The following PRKCE variants were observed in gnomAD, a reference collection of about 807,000 sequenced individuals.
The protein encoded by PRKCE is protein kinase C epsilon type.
A neutral mutation model predicts 85.4 loss-of-function variants in PRKCE; 16 were observed. The ratio of observed to expected loss-of-function variants is 0.19; its 90% confidence interval spans 0.13 to 0.28. The LOEUF (loss-of-function observed/expected upper bound fraction) is 0.28, where lower values mean the gene tolerates loss of function less well. Ranked by LOEUF, PRKCE falls within the 10% of genes least tolerant of loss-of-function variation. PRKCE has a pLI of 1.00. For missense variants in PRKCE, 573 were observed against 975.2 expected, an observed-to-expected ratio of 0.59 and a Z score of 5.49; for synonymous variants, 388 against 371.5, an observed-to-expected ratio of 1.04 and a Z score of -0.51.
intron 1 of PRKCE, among the ~76,000 whole-genome samples, chr2:45,718,411 C>T (rs1326854948): frequency 7.1e-6 from 1 of 140,698 alleles, no homozygotes; most frequent in Non-Finnish European, 1.5e-5. Context: ...GTGGCGTGAT[C>T]TCGGCTCACT....
intron 1 of PRKCE, among the ~76,000 whole-genome samples, chr2:45,674,532 A>ACCG (rs1558542993): frequency 6.6e-6 from 1 of 152,120 alleles, no homozygotes; most frequent in Non-Finnish European, 1.5e-5. Flanking sequence ...GTCAGGGCCC[A>ACCG]ACTCACTGTG....
chr2:45,684,562 A>T (rs1391642275), intron 1 of PRKCE, among the ~76,000 whole-genome samples: 6 of 152,258 alleles, frequency 3.9e-5, no homozygotes, highest in African/African-American at 1.4e-4. Flanking sequence ...TATTTTACTT[A>T]AAAAATGTTG....
intron 2 of PRKCE, among the ~76,000 whole-genome samples, chr2:45,917,166 C>T (rs975543733): frequency 4.6e-5 from 7 of 152,158 alleles, no homozygotes; most frequent in Non-Finnish European, 8.8e-5. Context: ...CTGATTGGTG[C>T]GTTTACAATC....
chr2:46,045,385 C>G (rs1406043108), intron 10 of PRKCE, among the ~76,000 whole-genome samples: 3 of 152,222 alleles, frequency 2.0e-5, no homozygotes, highest in Non-Finnish European at 4.4e-5. Flanking sequence ...TCCTCTTTGA[C>G]ATATACAGAA....
intron 11 of PRKCE, among the ~76,000 whole-genome samples, chr2:46,103,055 C>G (rs553488339): frequency 5.3e-5 from 8 of 152,286 alleles, no homozygotes; most frequent in Non-Finnish European, 1.0e-4. Flanking sequence ...ATTCTTCCAC[C>G]CATGTGCATT....
At position 45,663,522 on chromosome 2, in the gene PRKCE, G is replaced by A. The variant is rs185824337; in HGVS notation, c.348+11074G>A. On this transcript the variant is annotated intron_variant, in intron 1 of 14. Coordinates refer to ENST00000306156, the MANE Select transcript of PRKCE (RefSeq NM_005400.3). ...ATATAGAAAATGTTGGACAGCTCACGCCTGTAATCCCAGCACTTTGGGAGG... is the reference window on the plus strand; with the variant it reads ...ATATAGAAAATGTTGGACAGCTCACACCTGTAATCCCAGCACTTTGGGAGG... Among the ~76,000 whole-genome samples the A allele has an allele frequency of 4.7e-3, 714 of 152,246 alleles. 5 individuals carry two copies. Among genetic ancestry groups the A allele is most frequent in the Non-Finnish European group, 7.5e-3 (512 of 68,002 alleles).
intron 11 of PRKCE, among the ~76,000 whole-genome samples, chr2:46,123,529 C>A (rs1199589474): frequency 6.6e-6 from 1 of 152,140 alleles, no homozygotes; most frequent in Non-Finnish European, 1.5e-5. Context: ...CGCTCTGTCG[C>A]CCAGGCTGGA....
intron 1 of PRKCE, among the ~76,000 whole-genome samples, chr2:45,729,079 G>A (rs1242312769): frequency 6.6e-6 from 1 of 152,116 alleles, no homozygotes; most frequent in Non-Finnish European, 1.5e-5. Context: ...GTAGGATTCC[G>A]ACCATGGCTA....
Position 45,697,620 on chromosome 2 carries a change from C to A in PRKCE, c.348+45172C>A, listed in dbSNP as rs1678264877. On this transcript the variant is annotated intron_variant, in intron 1 of 14. Coordinates refer to ENST00000306156, the MANE Select transcript of PRKCE (RefSeq NM_005400.3). This position sits in a 1 kb window ranked among gnomAD's most constrained non-coding sequence, Gnocchi z 4.2. Reference sequence around the variant, plus strand: ...TCTTTTGTTCCGGCTCTGATTACCTCCCTCCCTAGGTGACATCCCTGCAGG... The same window carrying A: ...TCTTTTGTTCCGGCTCTGATTACCTACCTCCCTAGGTGACATCCCTGCAGG... Among the ~76,000 whole-genome samples the A allele has an allele frequency of 6.6e-6, 1 of 152,130 alleles. No individual in the cohort carries two copies. Among genetic ancestry groups the A allele is most frequent in the African/African-American group, 2.4e-5 (1 of 41,412 alleles).
chr2:45,696,241 C>G (rs1317918077), intron 1 of PRKCE, among the ~76,000 whole-genome samples: 1 of 151,902 alleles, frequency 6.6e-6, no homozygotes, highest in African/African-American at 2.4e-5. Flanking sequence ...TAGGTGTGAG[C>G]CACCACACCT....
intron 2 of PRKCE, among the ~76,000 whole-genome samples, chr2:45,851,135 T>C (rs944558179): frequency 3.3e-5 from 5 of 152,178 alleles, no homozygotes; most frequent in Non-Finnish European, 7.4e-5. Flanking sequence ...TGATCACTGA[T>C]CCACATGGCA....
intron 1 of PRKCE, among the ~76,000 whole-genome samples, chr2:45,817,878 T>G (rs923450946): frequency 3.9e-5 from 6 of 152,176 alleles, no homozygotes; most frequent in African/African-American, 1.4e-4. Context: ...AGGAGCCACG[T>G]GGGCATCTCA....
intron 2 of PRKCE, among the ~76,000 whole-genome samples, chr2:45,866,768 A>G (rs1391240986): frequency 2.6e-5 from 4 of 152,358 alleles, no homozygotes; most frequent in South Asian, 4.1e-4. Context: ...CAAGTGCTCA[A>G]TAGTCAACAT....
intron 12 of PRKCE, among the ~76,000 whole-genome samples, chr2:46,148,995 C>G (rs1408330492): frequency 6.6e-6 from 1 of 152,162 alleles, no homozygotes; most frequent in Admixed American, 6.5e-5. Flanking sequence ...ATTACCAGCC[C>G]CAAGTAATGT....
chr2:46,036,291 C>T lies in PRKCE; in HGVS notation c.1437+25774C>T, dbSNP rs546774042. Among the ~76,000 whole-genome samples, 10 of 152,220 alleles carry T rather than the reference C, an allele frequency of 6.6e-5. No individual in the cohort carries two copies. In the East Asian group the frequency reaches 1.9e-3, roughly 29 times the overall value. ...GACCATTCTAGAAAAGAAAGAATAA[C>T]TAGGCCGGTGTGTGGTGGCTCATGC... On this transcript the variant is annotated intron_variant, in intron 10 of 14. Transcript: ENST00000306156.
chr2:45,912,054 G>A (rs1697418633), intron 2 of PRKCE, among the ~76,000 whole-genome samples: 1 of 152,082 alleles, frequency 6.6e-6, no homozygotes, highest in South Asian at 2.1e-4. Flanking sequence ...CATTCTGGTA[G>A]TGGAGTTTCA....
chr2:45,669,898 C>T (rs975571211), intron 1 of PRKCE, among the ~76,000 whole-genome samples: 1 of 152,120 alleles, frequency 6.6e-6, no homozygotes, highest in African/African-American at 2.4e-5. Flanking sequence ...GTAATCCCAG[C>T]TATTTTGGGG....
At chr2:45,963,143 G>A (rs1183043639) in intron 2 of PRKCE, among the ~76,000 whole-genome samples, 4 of 152,020 alleles carry the variant, frequency 2.6e-5, no homozygotes, top group Admixed American at 6.6e-5. Flanking sequence ...ATAGAAGGGA[G>A]GATGGAAGGA....
chr2:45,975,969 T>C (rs909540706), intron 2 of PRKCE, among the ~76,000 whole-genome samples: 4 of 152,204 alleles, frequency 2.6e-5, no homozygotes, highest in African/African-American at 9.7e-5. Flanking sequence ...CATTGCGTCC[T>C]CTAAGCCACC....
Sources: allele counts gnomAD v4.1 joint callset (sites outside exome capture counted in the v4.1 genomes callset), GRCh38; gene constraint gnomAD v4.1.1; non-coding constraint Gnocchi (gnomAD v3.1); transcripts MANE v1.5; gene names NCBI Gene and HGNC (gene_info 2026-07-23, HGNC 2026-07-21).